The following HCN4 variants were observed in gnomAD, a reference collection of about 807,000 sequenced individuals.
HCN4 encodes potassium/sodium hyperpolarization-activated cyclic nucleotide-gated channel 4.
A neutral mutation model predicts 76.9 loss-of-function variants in HCN4; 29 were observed. The ratio of observed to expected loss-of-function variants is 0.38; its 90% confidence interval spans 0.28 to 0.51. The LOEUF (loss-of-function observed/expected upper bound fraction) is 0.51, where lower values mean the gene tolerates loss of function less well. Among genes scored for constraint, HCN4 ranks in the 20% least tolerant of loss-of-function variants. The pLI is 0.90. For synonymous variants in HCN4, 772 were observed against 762.5 expected (o/e 1.01, Z -0.21); for missense variants, 1,416 against 1,715.2 (o/e 0.83, Z 3.08).
intron 1 of HCN4, among the ~76,000 whole-genome samples, chr15:73,360,699 C>T (rs1259925538): frequency 6.6e-6 from 1 of 152,114 alleles, no homozygotes; most frequent in East Asian, 1.9e-4. Flanking sequence ...ATTTGGAGGC[C>T]ATCGTGAAGA....
chr15:73,323,190 G>C lies in HCN4; in HGVS notation c.2903C>G (p.Pro968Arg), dbSNP rs548194804. ...GCCCAGCTGCCCGGGGCTAGATGAC[G>C]GGGATCTGGATGAGGGTGGGGGTGG... ...FLPPPPSSRS[P>R]SSSPGQLGQP... Residue 968 changes from proline to arginine, a missense_variant, in exon 8 of 8, where the codon CCG becomes CGG. Pro to Arg is a moderately radical substitution (Grantham distance 103). Coordinates refer to ENST00000261917, the MANE Select transcript of HCN4 (RefSeq NM_005477.3). 1.3e-6 allele frequency: 2 copies of C among 1,545,852 alleles called. No homozygotes were observed. Among genetic ancestry groups the C allele is most frequent in the Non-Finnish European group, 1.7e-6 (2 of 1,149,248 alleles).
intron 2 of HCN4, among the ~76,000 whole-genome samples, chr15:73,339,256 C>T (rs905916093): frequency 1.3e-5 from 2 of 152,208 alleles, no homozygotes; most frequent in East Asian, 1.9e-4. Flanking sequence ...TGACCCAGAT[C>T]GCCCAGGATG....
In HCN4 at chr15:73,324,909, C is replaced by T. The variant is rs41277728; in HGVS notation, c.1978+46G>A. ...CCCCTCGGTATCTCCCCAAACCAGC[C>T]CCTGGGAGCAGCTGCCCTGTCCCCC... On this transcript the variant is annotated intron_variant, in intron 6 of 7. Coordinates refer to ENST00000261917, the MANE Select transcript of HCN4 (RefSeq NM_005477.3). The T allele has an allele frequency of 0.017, 27,635 of 1,611,494 alleles. 292 individuals carry two copies. The highest frequency in any genetic ancestry group is 0.02 in the Non-Finnish European group (24,081 of 1,179,390).
intron 2 of HCN4, among the ~76,000 whole-genome samples, chr15:73,338,173 A>G (rs1172635398): frequency 1.3e-5 from 2 of 152,212 alleles, no homozygotes; most frequent in East Asian, 3.8e-4. Flanking sequence ...AGAGGCTGCT[A>G]AACACTGGTG....
At chr15:73,361,109 T>C (rs2043102854) in intron 1 of HCN4, among the ~76,000 whole-genome samples, 1 of 152,234 alleles carries the variant, frequency 6.6e-6, no homozygotes. Flanking sequence ...AGATTTGTTA[T>C]GACCCACTAT....
At chr15:73,363,205 G>A (rs1343625825) in intron 1 of HCN4, among the ~76,000 whole-genome samples, 1 of 152,160 alleles carries the variant, frequency 6.6e-6, no homozygotes, top group Non-Finnish European at 1.5e-5. Flanking sequence ...GCAAAGAAGG[G>A]GCCTCGGAAC....
chr15:73,358,543 A>G (rs2043091269), intron 1 of HCN4, among the ~76,000 whole-genome samples: 2 of 152,186 alleles, frequency 1.3e-5, no homozygotes, highest in Non-Finnish European at 2.9e-5. Flanking sequence ...AGGAGAAGCG[A>G]GTCTTCTCAA....
chr15:73,326,337 G>T (rs1359997662), intron 4 of HCN4, among the ~76,000 whole-genome samples: 1 of 152,208 alleles, frequency 6.6e-6, no homozygotes, highest in Non-Finnish European at 1.5e-5. Flanking sequence ...CACAACTGCT[G>T]CACAGAAACA....
In HCN4 at chr15:73,322,097, C is replaced by T. The variant is rs555293673; in HGVS notation, c.*384G>A. 76 of 275,190 alleles carry T rather than the reference C, an allele frequency of 2.8e-4. No homozygotes were observed. Among genetic ancestry groups the T allele is most frequent in the African/African-American group, 1.3e-3 (57 of 44,674 alleles). The allele number at this position is 275,190 out of a possible 1,614,324, so 17.0% of individuals were successfully genotyped here. ...GAGTGGAGCTCCAAGTTACAGCTAA[C>T]GGGCTGATGGCAGCTGTTTCTCTAA... On this transcript the variant is annotated 3_prime_UTR_variant, in exon 8 of 8. Coordinates refer to ENST00000261917, the MANE Select transcript of HCN4 (RefSeq NM_005477.3).
chr15:73,347,593 G>A lies in HCN4; in HGVS notation c.786-3785C>T, dbSNP rs148310184. 1.7e-3 allele frequency among the ~76,000 whole-genome samples: 259 copies of A among 152,276 alleles called. 4 individuals carry two copies. Among genetic ancestry groups the A allele is most frequent in the Non-Finnish European group, 1.7e-3 (113 of 68,030 alleles). On this transcript the variant is annotated intron_variant, in intron 1 of 7. Transcript: ENST00000261917. ...ACACATGTCCTATAGAAGGGAAAAC[G>A]AAGGCTCACAAAGGAAGGAAGAGTA...
intron 1 of HCN4, among the ~76,000 whole-genome samples, chr15:73,345,883 G>C (rs1207755377): frequency 6.6e-6 from 1 of 152,182 alleles, no homozygotes; most frequent in Non-Finnish European, 1.5e-5. Flanking sequence ...GTGCAAGGCG[G>C]CTGGGAATGC....
intron 4 of HCN4, among the ~76,000 whole-genome samples, chr15:73,326,529 A>G (rs1368145274): frequency 3.9e-5 from 6 of 152,138 alleles, no homozygotes; most frequent in African/African-American, 1.4e-4. Flanking sequence ...TGACCCCCAG[A>G]GAACAGGTAG....
Position 73,367,843 on chromosome 15 carries a change from C to T in HCN4, c.428G>A (p.Arg143Lys). Reference sequence around the variant, plus strand: ...CTCGGCCGCCAGGCCTGGGGGCGTCCTGTCCTCGCCGGGGGACGCGTCGCC... The same window carrying T: ...CTCGGCCGCCAGGCCTGGGGGCGTCTTGTCCTCGCCGGGGGACGCGTCGCC... ...AEGDASPGED[R>K]TPPGLAAEPE... Residue 143 changes from arginine (R) to lysine (K), a missense_variant, in exon 1 of 8, where the codon AGG (arginine) becomes AAG (lysine). Around this residue, in one of 6 missense-constraint regions of HCN4, gnomAD observed 355 missense variants for 347.8 expected, o/e 1.02. Transcript: ENST00000261917. This position sits in a 1 kb window ranked among gnomAD's most constrained non-coding sequence, Gnocchi z 7.5. The T allele has an allele frequency of 7.8e-7, 1 of 1,274,504 alleles. No homozygotes were observed. The highest frequency in any genetic ancestry group is 1.6e-5 in the African/African-American group (1 of 64,514). The allele number at this position is 1,274,504 out of a possible 1,614,324, so 78.9% of individuals were successfully genotyped here.
chr15:73,334,482 T>A (rs1238719928), intron 2 of HCN4, among the ~76,000 whole-genome samples: 1 of 152,018 alleles, frequency 6.6e-6, no homozygotes, highest in South Asian at 2.1e-4. Flanking sequence ...TAATTAACAC[T>A]TAGGTGAATG....
Position 73,334,793 on chromosome 15 carries a change from A to G in HCN4, c.1210-2501T>C, listed in dbSNP as rs367892723. On this transcript the variant is annotated intron_variant, in intron 2 of 7. Coordinates refer to ENST00000261917, the MANE Select transcript of HCN4 (RefSeq NM_005477.3). ...CTCTCTGCACACCCGTCATAGACGC[A>G]AGGGTGGGGCCATTATTATTAAGCT... Among the ~76,000 whole-genome samples, 9 of 152,212 alleles carry G rather than the reference A, an allele frequency of 5.9e-5. No individual in the cohort carries two copies. In the East Asian group the frequency reaches 1.6e-3, roughly 26 times the overall value.
In HCN4 at chr15:73,367,914, G is replaced by C; in HGVS notation, c.357C>G (p.His119Gln). 2 of 1,383,710 alleles carry C rather than the reference G, an allele frequency of 1.4e-6. No homozygotes were observed. Among genetic ancestry groups the C allele is most frequent in the Non-Finnish European group, 1.9e-6 (2 of 1,071,148 alleles). The allele number at this position is 1,383,710 out of a possible 1,614,324, so 85.7% of individuals were successfully genotyped here. The change falls in exon 1 of 8, where the codon CAC becomes CAG. Residue 119 changes from histidine to glutamine, a missense_variant. Transcript: ENST00000261917. This position sits in a 1 kb window ranked among gnomAD's most constrained non-coding sequence, Gnocchi z 7.5. ...GSGGTGSGSS[H>Q]GHLHDSAEER... ...CCTCCGCGGAGTCATGCAGGTGTCCGTGACTGCTGCCGCTCCCCGTGCCGC... is the reference window on the plus strand; with the variant it reads ...CCTCCGCGGAGTCATGCAGGTGTCCCTGACTGCTGCCGCTCCCCGTGCCGC...
intron 4 of HCN4, among the ~76,000 whole-genome samples, chr15:73,326,446 G>A (rs538635906): frequency 6.6e-6 from 1 of 152,228 alleles, no homozygotes; most frequent in Admixed American, 6.5e-5. Flanking sequence ...CCAGGGGACA[G>A]TGACTTCCTG....
At chr15:73,331,139 C>T (rs1172175185) in intron 3 of HCN4, among the ~76,000 whole-genome samples, 1 of 152,202 alleles carries the variant, frequency 6.6e-6, no homozygotes, top group East Asian at 1.9e-4. Flanking sequence ...CACAGAAAGG[C>T]TCACAGATCC....
chr15:73,360,950 A>G (rs999658907), intron 1 of HCN4, among the ~76,000 whole-genome samples: 2 of 152,246 alleles, frequency 1.3e-5, no homozygotes, highest in African/African-American at 4.8e-5. Flanking sequence ...GCAAAAGCCA[A>G]TGTAAAGGAG....
Sources: allele counts gnomAD v4.1 joint callset (sites outside exome capture counted in the v4.1 genomes callset), GRCh38; gene constraint gnomAD v4.1.1; regional missense constraint gnomAD v4.1.1; non-coding constraint Gnocchi (gnomAD v3.1); transcripts MANE v1.5; gene names NCBI Gene and HGNC (gene_info 2026-07-23, HGNC 2026-07-21).